The following TSBP1 variants were observed in gnomAD, a reference collection of about 807,000 sequenced individuals.
The protein encoded by TSBP1 is testis expressed basic protein 1, also known as testis-expressed basic protein 1.
TSBP1 carries 56 observed loss-of-function variants against 68.8 expected under a neutral mutation model. The ratio of observed to expected loss-of-function variants is 0.81; its 90% CI spans 0.66 to 1.02. The LOEUF is 1.02. TSBP1 is among the 50% of genes least tolerant of loss of function. The pLI, the probability that TSBP1 is intolerant of heterozygous loss-of-function variation, is 0.00. For missense variants in TSBP1, 502 were observed against 641.2 expected (o/e 0.78, Z 2.34); for synonymous variants, 171 against 208.7 (o/e 0.82, Z 1.56).
chr6:32,347,534 T>C (rs987812019), intron 9 of TSBP1, among the ~76,000 whole-genome samples: 7 of 152,184 alleles, frequency 4.6e-5, no homozygotes, highest in African/African-American at 1.7e-4. Flanking sequence ...GAGACTTTAC[T>C]CTGTACCTCT....
At position 32,355,118 on chromosome 6, in the gene TSBP1, A is replaced by G. The variant is rs749185742; in HGVS notation, c.259+6T>C. ...TAGAATTGAAAGAAAACCACAAAGCACTTACCTAGAGAGTTGGTTGATGGT... is the reference window on the plus strand; with the variant it reads ...TAGAATTGAAAGAAAACCACAAAGCGCTTACCTAGAGAGTTGGTTGATGGT... On this transcript the variant is annotated splice_donor_region_variant and intron_variant, in intron 8 of 22. Coordinates refer to ENST00000612031, the Ensembl canonical transcript of TSBP1. 2 of 1,611,186 alleles carry G rather than the reference A, an allele frequency of 1.2e-6. No homozygotes were observed. Among genetic ancestry groups the G allele is most frequent in the South Asian group, 2.2e-5 (2 of 90,886 alleles).
intron 16 of TSBP1, 53 bp downstream of exon 17, chr6:32,330,536 A>G (rs1009324891): frequency 1.4e-5 from 21 of 1,550,840 alleles, no homozygotes; most frequent in Non-Finnish European, 1.8e-5. Flanking sequence ...GGCCCTCTAG[A>G]CACTGTAGAA....
In TSBP1 at chr6:32,315,396, T is replaced by C. The variant is rs996395206; in HGVS notation, c.580+376A>G. On this transcript the variant is annotated intron_variant, in intron 19 of 22. Coordinates refer to ENST00000612031, the Ensembl canonical transcript of TSBP1. This position sits in a 1 kb window ranked among gnomAD's most constrained non-coding sequence, Gnocchi z 5.4. Reference sequence around the variant, plus strand: ...TGGCCAAATGAGGAAACCCTGTCTCTACTAAAAATACAATAATTAGCTGGG... The same window carrying C: ...TGGCCAAATGAGGAAACCCTGTCTCCACTAAAAATACAATAATTAGCTGGG... Among the ~76,000 whole-genome samples the C allele has an allele frequency of 6.6e-6, 1 of 152,082 alleles. No homozygotes were observed. Among genetic ancestry groups the C allele is most frequent in the African/African-American group, 2.4e-5 (1 of 41,420 alleles).
intron 16 of TSBP1, among the ~76,000 whole-genome samples, chr6:32,328,773 G>A (rs1768574510): frequency 6.6e-6 from 1 of 151,060 alleles, no homozygotes; most frequent in Non-Finnish European, 1.5e-5. Context: ...GGCTGGTCTC[G>A]AACTGCTGAC....
intron 9 of TSBP1, among the ~76,000 whole-genome samples, chr6:32,341,756 A>G (rs1398572301): frequency 6.6e-6 from 1 of 152,186 alleles, no homozygotes; most frequent in African/African-American, 2.4e-5. Flanking sequence ...TGAGTAATAA[A>G]CTTGTTCAGA....
rs181518960 is a variant in TSBP1, at chr6:32,368,128, T to C, written c.134-171A>G. Among the ~76,000 whole-genome samples the C allele has an allele frequency of 1.9e-3, 284 of 152,350 alleles. 1 individual carries two copies. The highest frequency in any genetic ancestry group is 6.6e-3 in the African/African-American group (275 of 41,582). On this transcript the variant is annotated intron_variant, in intron 3 of 22. Transcript: ENST00000612031. ...CATAAGCTACAAGAGCTGACGATGA[T>C]AAGTGACTGTGTCAATCACCAATTT...
chr6:32,309,852 T>C (rs1766201389), intron 19 of TSBP1, among the ~76,000 whole-genome samples: 1 of 152,162 alleles, frequency 6.6e-6, no homozygotes, highest in Non-Finnish European at 1.5e-5. Flanking sequence ...ATCCATTCTA[T>C]CTAACTATTT....
At chr6:32,318,702 A>G (rs1767250354) in intron 18 of TSBP1, among the ~76,000 whole-genome samples, 1 of 152,164 alleles carries the variant, frequency 6.6e-6, no homozygotes, top group Non-Finnish European at 1.5e-5. Context: ...AGCTGAATCT[A>G]TAGAGACAGA....
rs11966124 is a variant in TSBP1, at chr6:32,356,644, C to T, written c.218-975G>A. On this transcript the variant is annotated intron_variant, in intron 6 of 22. Transcript: ENST00000612031. ...CTGAGGCAGGAGAATTGCCTGTGCC[C>T]GGGAGACGGAGATTGCAGTAAGCCG... 9.1e-3 allele frequency among the ~76,000 whole-genome samples: 1,384 copies of T among 151,842 alleles called. 17 individuals carry two copies. Among genetic ancestry groups the T allele is most frequent in the African/African-American group, 0.031 (1,264 of 41,362 alleles).
intron 19 of TSBP1, among the ~76,000 whole-genome samples, chr6:32,310,766 T>TTTTTTA (rs1481671671): frequency 1.3e-5 from 2 of 149,168 alleles, no homozygotes; most frequent in Non-Finnish European, 3.0e-5. Flanking sequence ...TATATATTTT[T>TTTTTTA]AATCTTTTTA....
chr6:32,347,884 G>A (rs1479846268), intron 9 of TSBP1, among the ~76,000 whole-genome samples: 8 of 152,040 alleles, frequency 5.3e-5, no homozygotes, highest in Non-Finnish European at 8.8e-5. Flanking sequence ...CCAGCTTTTC[G>A]CCATTCAGAG....
chr6:32,341,219 G>A (rs574764109), intron 9 of TSBP1, among the ~76,000 whole-genome samples: 2 of 152,236 alleles, frequency 1.3e-5, no homozygotes, highest in South Asian at 2.1e-4. Flanking sequence ...AAAAACTTAC[G>A]ATGTACATAT....
intron 15 of TSBP1, 71 bp from the exon 17 acceptor site, chr6:32,330,680 A>G (rs1429483501): frequency 3.5e-6 from 5 of 1,448,674 alleles, no homozygotes; most frequent in Non-Finnish European, 3.7e-6. Context: ...ACACACTTCT[A>G]TTTTTTGAGA....
chr6:32,352,351 G>A (rs913283460), intron 8 of TSBP1, among the ~76,000 whole-genome samples: 7 of 151,804 alleles, frequency 4.6e-5, no homozygotes, highest in Non-Finnish European at 1.0e-4. Flanking sequence ...AGAAGATACC[G>A]ATTATCTTTA....
intron 22 of TSBP1, among the ~76,000 whole-genome samples, chr6:32,299,084 G>A (rs146950335): frequency 2.0e-5 from 3 of 152,302 alleles, no homozygotes; most frequent in East Asian, 3.9e-4. Context: ...TTCAGTATAG[G>A]AGGCAATGTG....
At chr6:32,364,936 C>T (rs1464814905) in intron 6 of TSBP1, among the ~76,000 whole-genome samples, 1 of 152,074 alleles carries the variant, frequency 6.6e-6, no homozygotes, top group Non-Finnish European at 1.5e-5. Context: ...CACTCTGCTA[C>T]CCAGAGTGGA....
chr6:32,340,329 G>A lies in TSBP1; in HGVS notation c.350-691C>T, dbSNP rs1033496. On this transcript the variant is annotated intron_variant, in intron 9 of 22. Coordinates refer to ENST00000612031, the Ensembl canonical transcript of TSBP1. This position sits in a 1 kb window ranked among gnomAD's most constrained non-coding sequence, Gnocchi z 4.8. The stretch of plus-strand genomic sequence containing the variant: ...CCTTCTTTGTGTATAATTATTTTTC[G>A]CTTATTTGTTACTTTGCTGTTTTGG... 6.6e-5 allele frequency among the ~76,000 whole-genome samples: 10 copies of A among 151,436 alleles called. No individual in the cohort carries two copies. In the South Asian group the frequency reaches 1.0e-3, roughly 16 times the overall value.
chr6:32,352,348 A>G (rs1174656332), intron 8 of TSBP1, among the ~76,000 whole-genome samples: 2 of 151,984 alleles, frequency 1.3e-5, no homozygotes, highest in Non-Finnish European at 2.9e-5. Context: ...GGAAGAAGAT[A>G]CCGATTATCT....
chr6:32,311,223 TC>T (rs1766371369), intron 19 of TSBP1, among the ~76,000 whole-genome samples: 1 of 152,208 alleles, frequency 6.6e-6, no homozygotes, highest in Non-Finnish European at 1.5e-5. Context: ...CCTTTGATTA[TC>T]TAATTTAGTC....
Sources: gnomAD v4.1 joint callset for allele counts (sites outside exome capture counted in the v4.1 genomes callset) on GRCh38, gnomAD v4.1.1 for gene constraint, Gnocchi (gnomAD v3.1) non-coding constraint, MANE v1.5 for transcripts, NCBI Gene and HGNC (gene_info 2026-07-23, HGNC 2026-07-21) for gene names.